The following ART1 variants were observed in gnomAD, a reference collection of about 807,000 sequenced individuals.
The protein encoded by ART1 is GPI-linked NAD(P)(+)--arginine ADP-ribosyltransferase 1.
In ART1, 29 loss-of-function variants were observed where a neutral mutation model predicts 27.0. That is an observed-to-expected ratio of 1.08 (90% CI 0.80 to 1.47). The LOEUF is 1.47. Ranked by LOEUF, ART1 falls within the 40% of genes most tolerant of loss-of-function variation. ART1 has a pLI of 0.00. For missense variants in ART1, 480 were observed against 423.0 expected, an observed-to-expected ratio of 1.13 and a Z score of -1.18; for synonymous variants, 201 against 172.2, an observed-to-expected ratio of 1.17 and a Z score of -1.31.
At chr11:3,645,242 TG>T (rs1388368862) in intron 1 of ART1, 63 bp downstream of exon 1, 2 of 152,052 alleles carry the variant, frequency 1.3e-5, no homozygotes, top group Non-Finnish European at 2.9e-5. Flanking sequence ...AGGTGAAATT[TG>T]GGAGATGAAC....
At position 3,660,092 on chromosome 11, in the gene ART1, C is replaced by T. The variant is rs1217238363; in HGVS notation, c.573C>T (p.Pro191=). 1 of 1,613,622 alleles carries T rather than the reference C, an allele frequency of 6.2e-7. No homozygotes were observed. Among genetic ancestry groups the T allele is most frequent in the Non-Finnish European group, 8.5e-7 (1 of 1,179,968 alleles). Residue 191 remains proline, a synonymous_variant, in exon 3 of 5, where the codon CCC becomes CCT. Coordinates refer to ENST00000250693, the MANE Select transcript of ART1 (RefSeq NM_004314.3). ...VHGLRFRPAG[P]RATVRLGGFA... ...GCCTGCGCTTCCGGCCAGCAGGGCC[C>T]CGGGCCACCGTGAGGCTGGGGGGCT...
chr11:3,650,208 A>G (rs905762409), intron 1 of ART1, among the ~76,000 whole-genome samples: 16 of 152,284 alleles, frequency 1.1e-4, no homozygotes, highest in African/African-American at 3.6e-4. Context: ...GGAGCTTGCT[A>G]CAAGTGCCGG....
intron 1 of ART1, among the ~76,000 whole-genome samples, chr11:3,652,347 C>T (rs61878540): frequency 0.076 from 11,348 of 149,020 alleles, 646 homozygotes; most frequent in Non-Finnish European, 0.11. Flanking sequence ...AACAGACCAG[C>T]CTTTACTAGT....
intron 4 of ART1, among the ~76,000 whole-genome samples, chr11:3,663,173 T>C (rs1332359298): frequency 6.7e-6 from 1 of 150,036 alleles, no homozygotes; most frequent in Admixed American, 6.7e-5. Context: ...TACTGCACAG[T>C]AATCTATGGG....
At position 3,660,238 on chromosome 11, in the gene ART1, A is replaced by T. The variant is rs1473537272; in HGVS notation, c.719A>T (p.Glu240Val). 6.2e-7 allele frequency: 1 copy of T among 1,613,884 alleles called. No homozygotes were observed. The highest frequency in any genetic ancestry group is 1.3e-5 in the African/African-American group (1 of 75,048). Residue 240 changes from glutamate to valine, a missense_variant, in exon 3 of 5, where the codon GAG (glutamate) becomes GTG (valine). Physicochemically the swap from Glu to Val is moderately radical, Grantham distance 121. Coordinates refer to ENST00000250693, the MANE Select transcript of ART1 (RefSeq NM_004314.3). ...KGYSFFPGEE[E>V]VLIPPFETFQ... ...TACTCCTTCTTCCCTGGAGAGGAAG[A>T]GGTGCTGATCCCCCCCTTTGAGACC...
intron 1 of ART1, among the ~76,000 whole-genome samples, chr11:3,647,970 C>T (rs2133945902): frequency 6.6e-6 from 1 of 152,198 alleles, no homozygotes; most frequent in African/African-American, 2.4e-5. Flanking sequence ...TGAGCCGAAG[C>T]TAAGCCATCA....
chr11:3,663,579 T>C (rs2077638573), intron 4 of ART1, among the ~76,000 whole-genome samples: 1 of 152,182 alleles, frequency 6.6e-6, no homozygotes, highest in Non-Finnish European at 1.5e-5. Context: ...TCTACCTTCC[T>C]AAATTCTTTA....
intron 1 of ART1, among the ~76,000 whole-genome samples, chr11:3,652,868 T>A (rs1386219741): frequency 4.0e-5 from 6 of 150,340 alleles, no homozygotes; most frequent in Non-Finnish European, 8.8e-5. Flanking sequence ...ATGTTGAATC[T>A]CCTTAGGCAC....
intron 1 of ART1, among the ~76,000 whole-genome samples, chr11:3,658,686 T>C (rs2133961398): frequency 6.6e-6 from 1 of 152,250 alleles, no homozygotes; most frequent in South Asian, 2.1e-4. Context: ...CCCCACCAGC[T>C]GAACACTCCT....
At chr11:3,657,256 T>C (rs2077582343) in intron 1 of ART1, among the ~76,000 whole-genome samples, 1 of 152,130 alleles carries the variant, frequency 6.6e-6, no homozygotes, top group Non-Finnish European at 1.5e-5. Context: ...AAAGACCCAT[T>C]GACTATATTA....
chr11:3,650,039 T>C (rs1160519947), intron 1 of ART1, among the ~76,000 whole-genome samples: 1 of 152,180 alleles, frequency 6.6e-6, no homozygotes, highest in South Asian at 2.1e-4. Flanking sequence ...CTTCAAGGTA[T>C]ACAATAATAG....
intron 1 of ART1, among the ~76,000 whole-genome samples, chr11:3,650,976 G>C (rs2077517476): frequency 6.6e-6 from 1 of 151,926 alleles, no homozygotes; most frequent in Admixed American, 6.6e-5. Flanking sequence ...GTTATTACTT[G>C]CCTGTTACAG....
intron 1 of ART1, among the ~76,000 whole-genome samples, chr11:3,652,045 A>C (rs2077526667): frequency 6.6e-6 from 1 of 151,610 alleles, no homozygotes; most frequent in Admixed American, 6.6e-5. Context: ...CCTCAAGGAA[A>C]TAACTTCTCA....
chr11:3,660,276 A>G lies in ART1; in HGVS notation c.757A>G (p.Asn253Asp), dbSNP rs781609382. 1.2e-6 allele frequency: 2 copies of G among 1,612,526 alleles called. No individual in the cohort carries two copies. The highest frequency in any genetic ancestry group is 2.7e-5 in the African/African-American group (2 of 74,922). The change falls in exon 3 of 5, where the codon AAT becomes GAT. Residue 253 changes from asparagine to aspartate, a missense_variant. By Grantham distance (23) the Asn-to-Asp change is conservative (BLOSUM62 1). Transcript: ENST00000250693. ...CCCCTTTGAGACCTTCCAAGTGATC[A>G]ATGCCAGCAGACTGGCCCAGGGCCC... ...IPPFETFQVI[N>D]ASRLAQGPAR...
In ART1 at chr11:3,659,261, C is replaced by A; in HGVS notation, c.48C>A (p.Leu16=). The A allele has an allele frequency of 6.2e-7, 1 of 1,614,194 alleles. No individual in the cohort carries two copies. The highest frequency in any genetic ancestry group is 8.5e-7 in the Non-Finnish European group (1 of 1,180,040). ...MMSLLLVSVG[L]MEALQAQSHP... ...CTCTGCTTCTTGTGTCTGTGGGCCT[C>A]ATGGAAGCACTTCAGGTATGGGCAT... Residue 16 remains leucine (L), a synonymous_variant, in exon 2 of 5, where the codon CTC becomes CTA. Coordinates refer to ENST00000250693, the MANE Select transcript of ART1 (RefSeq NM_004314.3).
chr11:3,660,318 C>T lies in ART1; in HGVS notation c.799C>T (p.Arg267Ter), dbSNP rs764813601. 1.7e-5 allele frequency: 27 copies of T among 1,606,906 alleles called. No individual in the cohort carries two copies. Among genetic ancestry groups the T allele is most frequent in the Admixed American group, 3.3e-5 (2 of 59,992 alleles). Residue 267 changes from arginine (R) to a stop codon, truncating the protein, a stop_gained, in exon 3 of 5, where the codon CGA becomes TGA. Coordinates refer to ENST00000250693, the MANE Select transcript of ART1 (RefSeq NM_004314.3). LOFTEE classifies it high-confidence loss of function. ...CCAGGGCCCCGCCCGCATCTACCTC[C>T]GAGCCCTGGGCAAGCACAGCACCTA... The part of the protein sequence containing the change: ...LAQGPARIYL[R>*]ALGKHSTYNC...
At chr11:3,662,839 T>C (rs2077629683) in intron 4 of ART1, among the ~76,000 whole-genome samples, 1 of 152,162 alleles carries the variant, frequency 6.6e-6, no homozygotes, top group South Asian at 2.1e-4. Flanking sequence ...AGCGAAACTC[T>C]GTCTCAAAAC....
intron 1 of ART1, among the ~76,000 whole-genome samples, chr11:3,647,423 G>A (rs562492903): frequency 3.7e-4 from 56 of 152,102 alleles, no homozygotes; most frequent in African/African-American, 1.3e-3. Context: ...ATCACCTGAG[G>A]TCAGGAGTTC....
chr11:3,664,415 G>C lies in ART1; in HGVS notation c.*226G>C. The C allele has an allele frequency of 2.0e-6, 1 of 508,518 alleles. No homozygotes were observed. Among genetic ancestry groups the C allele is most frequent in the Non-Finnish European group, 3.5e-6 (1 of 283,388 alleles). 31.5% of individuals were successfully genotyped at this position (508,518 alleles called of 1,614,324 possible). A position where few individuals can be genotyped will look rare whatever the true frequency, so the allele number is the denominator to read the frequency against. On this transcript the variant is annotated 3_prime_UTR_variant, in exon 5 of 5. Transcript: ENST00000250693. ...AGACTCTGAATAAAGGGTTGGGCCGGCGGTGTGGCAGGTACTTCAAGACAG... is the reference window on the plus strand; with the variant it reads ...AGACTCTGAATAAAGGGTTGGGCCGCCGGTGTGGCAGGTACTTCAAGACAG...
Sources: gnomAD v4.1 joint callset for allele counts (sites outside exome capture counted in the v4.1 genomes callset) on GRCh38, gnomAD v4.1.1 for gene constraint, MANE v1.5 for transcripts, NCBI Gene and HGNC (gene_info 2026-07-23, HGNC 2026-07-21) for gene names.